The following EIF2B3 variants were observed in gnomAD, a reference collection of about 807,000 sequenced individuals.
EIF2B3 encodes translation initiation factor eIF2B subunit gamma.
EIF2B3 carries 20 observed loss-of-function variants against 54.1 expected under a neutral mutation model. The observed-to-expected ratio is 0.37, with a 90% CI of 0.26 to 0.54. EIF2B3 has a LOEUF of 0.54. Ranked by LOEUF, EIF2B3 falls within the 20% of genes least tolerant of loss-of-function variation. The pLI, the probability that EIF2B3 is intolerant of heterozygous loss-of-function variation, is 0.86. For synonymous variants in EIF2B3, 153 were observed against 188.1 expected (o/e 0.81, Z 1.52); for missense variants, 448 against 547.8 (o/e 0.82, Z 1.82).
rs564587689 is a variant in EIF2B3 at position 44,926,731 on chromosome 1, G to A, written c.463C>T (p.Arg155Cys). The A allele has an allele frequency of 2.1e-5, 34 of 1,613,166 alleles. No homozygotes were observed. The highest frequency in any genetic ancestry group is 1.8e-4 in the South Asian group (16 of 91,072). ...GTGCTGTCCACTCCAATGAAGTCAC[G>A]CTGCTCCACTGAATCATACAAAAGA... ...QKGKKKAVEQ[R>C]DFIGVDSTGK... is the part of the protein sequence containing the mutation. The change falls in exon 5 of 12, where the codon CGT (arginine) becomes TGT (cysteine). Residue 155 changes from arginine (R) to cysteine (C), a missense_variant. Physicochemically the swap from Arg to Cys is radical, Grantham distance 180. This residue lies in a region of EIF2B3 where 350 missense variants were observed against 414.2 expected (regional missense o/e 0.85). Coordinates refer to ENST00000360403, the MANE Select transcript of EIF2B3 (RefSeq NM_020365.5).
At chr1:44,953,025 C>A (rs753859776) in intron 3 of EIF2B3, among the ~76,000 whole-genome samples, 3 of 151,954 alleles carry the variant, frequency 2.0e-5, no homozygotes, top group Non-Finnish European at 4.4e-5. Context: ...GTTGTTGAAT[C>A]GAATAATTGA....
chr1:44,935,435 CTA>C (rs1241726910), intron 4 of EIF2B3, among the ~76,000 whole-genome samples: 5 of 152,172 alleles, frequency 3.3e-5, no homozygotes, highest in African/African-American at 1.2e-4. Context: ...CTGAAATTCT[CTA>C]TGTGTCGTCT....
chr1:44,875,653 C>A lies in EIF2B3; in HGVS notation c.1018G>T (p.Val340Phe), dbSNP rs1317571601. The A allele has an allele frequency of 6.2e-7, 1 of 1,614,070 alleles. No homozygotes were observed. Among genetic ancestry groups the A allele is most frequent in the Non-Finnish European group, 8.5e-7 (1 of 1,180,048 alleles). The change falls in exon 9 of 12, where the codon GTC becomes TTC. Residue 340 changes from valine to phenylalanine, a missense_variant. Around this residue, in one of 3 missense-constraint regions of EIF2B3, gnomAD observed 350 missense variants for 414.2 expected, o/e 0.85. Transcript: ENST00000360403. ...CTGACAATCTGGGCTGACGAATGGA[C>A]TGGTGGTTCTTCTGGACAGAGAGCA... ...LSALCPEEPP[V>F]HSSAQIVSKH... is the part of the protein sequence containing the mutation.
At chr1:44,978,937 TC>T (rs1644483602) in intron 2 of EIF2B3, among the ~76,000 whole-genome samples, 1 of 151,464 alleles carries the variant, frequency 6.6e-6, no homozygotes, top group African/African-American at 2.4e-5. Flanking sequence ...GCATCTGGCC[TC>T]CCCCCAATTA....
At position 44,978,368 on chromosome 1, in the gene EIF2B3, C is replaced by T. The variant is rs1644474395; in HGVS notation, c.241G>A (p.Asp81Asn). Residue 81 changes from aspartate (D) to asparagine (N), a missense_variant, in exon 3 of 12, where the codon GAC (aspartate) becomes AAC (asparagine). By Grantham distance (23) the Asp-to-Asn change is conservative (BLOSUM62 1). Coordinates refer to ENST00000360403, the MANE Select transcript of EIF2B3 (RefSeq NM_020365.5). ...GAATCTGCAGTTCCCATGTCAGCGT[C>T]ATCAGGAATACACACAATATCTGGC... ...MKPDIVCIPD[D>N]ADMGTADSLR... 2.5e-6 allele frequency: 4 copies of T among 1,613,934 alleles called. No homozygotes were observed. The Admixed American group carries it at 6.7e-5, about 27-fold the overall frequency.
At chr1:44,985,177 C>T (rs1644559396) in intron 1 of EIF2B3, among the ~76,000 whole-genome samples, 1 of 152,162 alleles carries the variant, frequency 6.6e-6, no homozygotes, top group Non-Finnish European at 1.5e-5. Flanking sequence ...TTATGGAAAA[C>T]CTTCGTACTA....
At chr1:44,920,749 A>C (rs979668540) in intron 5 of EIF2B3, among the ~76,000 whole-genome samples, 1 of 152,196 alleles carries the variant, frequency 6.6e-6, no homozygotes, top group Non-Finnish European at 1.5e-5. Context: ...AATAGTACTT[A>C]ATTGTGTATA....
At chr1:44,891,765 C>G (rs1436150412) in intron 6 of EIF2B3, among the ~76,000 whole-genome samples, 1 of 152,176 alleles carries the variant, frequency 6.6e-6, no homozygotes, top group African/African-American at 2.4e-5. Flanking sequence ...TATGCTCTCA[C>G]AGTAAAGACA....
intron 10 of EIF2B3, among the ~76,000 whole-genome samples, chr1:44,865,904 A>G (rs899306659): frequency 2.0e-5 from 3 of 151,714 alleles, no homozygotes; most frequent in Non-Finnish European, 2.9e-5. Flanking sequence ...TTATTTATTT[A>G]TTTTTTTCTC....
At chr1:44,872,235 G>A (rs545476488) in intron 10 of EIF2B3, among the ~76,000 whole-genome samples, 220 of 152,198 alleles carry the variant, frequency 1.4e-3, no homozygotes, top group Middle Eastern at 3.4e-3. Flanking sequence ...GTTTCGTCAT[G>A]TTGCCCAGGC....
intron 4 of EIF2B3, among the ~76,000 whole-genome samples, chr1:44,932,139 A>C (rs548548194): frequency 2.2e-4 from 33 of 151,650 alleles, no homozygotes; most frequent in African/African-American, 6.3e-4. Flanking sequence ...ACACACACAC[A>C]CCCCTATAGT....
intron 6 of EIF2B3, among the ~76,000 whole-genome samples, chr1:44,891,882 T>C (rs1655809591): frequency 6.6e-6 from 1 of 152,168 alleles, no homozygotes; most frequent in African/African-American, 2.4e-5. Flanking sequence ...ATGCTTATGA[T>C]AGGTATTACT....
At chr1:44,865,630 G>A (rs543589579) in intron 10 of EIF2B3, among the ~76,000 whole-genome samples, 6 of 151,662 alleles carry the variant, frequency 4.0e-5, no homozygotes, top group Non-Finnish European at 7.4e-5. Context: ...TGCTCAGGCT[G>A]GAGTGCAATG....
chr1:44,881,604 G>A lies in EIF2B3; in HGVS notation c.784+8C>T. ...TGCCCCTCTTACTGAACCAACCCAA[G>A]AACTGACCTAAGGACTTCAGCTCCT... On this transcript the variant is annotated splice_region_variant and intron_variant, in intron 7 of 11. Transcript: ENST00000360403. This position sits in a 1 kb window ranked among gnomAD's most constrained non-coding sequence, Gnocchi z 4.0. 1 of 1,613,900 alleles carries A rather than the reference G, an allele frequency of 6.2e-7. No homozygotes were observed. Among genetic ancestry groups the A allele is most frequent in the South Asian group, 1.1e-5 (1 of 91,060 alleles).
At chr1:44,852,115 ATTT>A (rs34314171) in intron 11 of EIF2B3, among the ~76,000 whole-genome samples, 2 of 133,266 alleles carry the variant, frequency 1.5e-5, no homozygotes, top group African/African-American at 2.8e-5. Flanking sequence ...CACATGGCTA[ATTT>A]TTTTTTTTTT....
Position 44,978,422 on chromosome 1 carries a change from G to C in EIF2B3, c.187C>G (p.Leu63Val). The C allele has an allele frequency of 6.2e-7, 1 of 1,613,544 alleles. No individual in the cohort carries two copies. Among genetic ancestry groups the C allele is most frequent in the Non-Finnish European group, 8.5e-7 (1 of 1,179,970 alleles). The part of the protein sequence containing the change: ...VVTTRDVQKA[L>V]CAEFKMKMKP... ...ATTTTCATCTTGAATTCTGCACATA[G>C]AGCCTTTTGAACATCCCTGGTTGTA... is the stretch of plus-strand genomic sequence containing the variant. The change falls in exon 3 of 12, where the codon CTA (leucine) becomes GTA (valine). Residue 63 changes from leucine to valine, a missense_variant. Physicochemically the swap from Leu to Val is conservative, Grantham distance 32. Transcript: ENST00000360403.
At chr1:44,953,337 A>G (rs1051391238) in intron 3 of EIF2B3, among the ~76,000 whole-genome samples, 1 of 151,032 alleles carries the variant, frequency 6.6e-6, no homozygotes, top group Non-Finnish European at 1.5e-5. Flanking sequence ...TTCTTCCTTC[A>G]TATCATAATT....
At chr1:44,900,319 T>C (rs1246875400) in intron 5 of EIF2B3, among the ~76,000 whole-genome samples, 1 of 151,710 alleles carries the variant, frequency 6.6e-6, no homozygotes, top group African/African-American at 2.4e-5. Context: ...TGCTGGCGGA[T>C]ACCTGTAATC....
intron 3 of EIF2B3, among the ~76,000 whole-genome samples, chr1:44,955,418 G>T (rs1043207324): frequency 6.6e-6 from 1 of 152,058 alleles, no homozygotes; most frequent in African/African-American, 2.4e-5. Context: ...AACCCTAGAA[G>T]AAAACCTAGG....
Sources: gnomAD v4.1 joint callset for allele counts (sites outside exome capture counted in the v4.1 genomes callset) on GRCh38, gnomAD v4.1.1 for gene constraint, gnomAD v4.1.1 regional missense constraint, Gnocchi (gnomAD v3.1) non-coding constraint, MANE v1.5 for transcripts, NCBI Gene and HGNC (gene_info 2026-07-23, HGNC 2026-07-21) for gene names.